CBLN2: variants seen among roughly 807,000 people sequenced by gnomAD.
The protein encoded by CBLN2 is cerebellin-2.
In CBLN2, 7 loss-of-function variants were observed where a neutral mutation model predicts 15.0. The observed-to-expected ratio is 0.47, with a 90% CI of 0.27 to 0.88. The LOEUF is 0.88. Ranked by LOEUF, CBLN2 falls within the 40% of genes least tolerant of loss-of-function variation. CBLN2 has a pLI of 0.14. For synonymous variants in CBLN2, 149 were observed against 135.2 expected, an observed-to-expected ratio of 1.10 and a Z score of -0.71; for missense variants, 242 against 304.5, an observed-to-expected ratio of 0.79 and a Z score of 1.53.
At chr18:72,637,945 C>G in intron 1 of CBLN2, among the ~76,000 whole-genome samples, 1 of 152,254 alleles carries the variant, frequency 6.6e-6, no homozygotes, top group South Asian at 2.1e-4. Context: ...GCCGCTGAGA[C>G]GAGACTTGAA....
At position 72,541,895 on chromosome 18, in the gene CBLN2, C is replaced by G. The variant is rs541563111; in HGVS notation, c.266G>C (p.Gly89Ala). ...TSSLGISVRS[G>A]SAKVAFSATR... is the part of the protein sequence containing the mutation. ...GGCGGAGAAGGCCACCTTGGCGCTG[C>G]CGGAGCGCACGGAGATGCCTAGGGA... is the stretch of plus-strand genomic sequence containing the variant. The change falls in exon 3 of 5, where the codon GGC becomes GCC. Residue 89 changes from glycine (G) to alanine (A), a missense_variant. By Grantham distance (60) the Gly-to-Ala change is moderately conservative. Coordinates refer to ENST00000269503, the MANE Select transcript of CBLN2 (RefSeq NM_182511.4). 12 of 1,607,326 alleles carry G rather than the reference C, an allele frequency of 7.5e-6. No individual in the cohort carries two copies. In the East Asian group the frequency reaches 2.2e-4, roughly 30 times the overall value.
chr18:72,633,835 G>T (rs1398140977), intron 1 of CBLN2, among the ~76,000 whole-genome samples: 1 of 152,002 alleles, frequency 6.6e-6, no homozygotes, highest in Non-Finnish European at 1.5e-5. Flanking sequence ...TAAAATCATA[G>T]ATTAATAAAT....
At chr18:72,631,947 T>C (rs998470535) in intron 1 of CBLN2, among the ~76,000 whole-genome samples, 3 of 152,120 alleles carry the variant, frequency 2.0e-5, no homozygotes, top group Admixed American at 2.0e-4. Flanking sequence ...TGTACTAAAA[T>C]ATGCCTTTTT....
intron 1 of CBLN2, among the ~76,000 whole-genome samples, chr18:72,621,865 T>C (rs2069702910): frequency 6.6e-6 from 1 of 152,094 alleles, no homozygotes; most frequent in Non-Finnish European, 1.5e-5. Flanking sequence ...TTTCCAAAAC[T>C]GATGGAAAAA....
At chr18:72,557,682 C>T (rs1172961270) in intron 1 of CBLN2, among the ~76,000 whole-genome samples, 1 of 152,118 alleles carries the variant, frequency 6.6e-6, no homozygotes, top group Non-Finnish European at 1.5e-5. Context: ...CATGTTCTCA[C>T]TAGTAAGTGG....
chr18:72,616,897 T>C (rs1483867308), intron 1 of CBLN2, among the ~76,000 whole-genome samples: 5 of 152,210 alleles, frequency 3.3e-5, no homozygotes, highest in Admixed American at 3.3e-4. Flanking sequence ...AGAAAGACGT[T>C]TATCTCTTAT....
At chr18:72,589,324 A>G (rs1358741683) in intron 1 of CBLN2, among the ~76,000 whole-genome samples, 26 of 152,224 alleles carry the variant, frequency 1.7e-4, no homozygotes, top group Non-Finnish European at 1.0e-4. Context: ...ATACCAACAA[A>G]TTCAAAAGTA....
chr18:72,599,074 T>G (rs999821565), intron 1 of CBLN2, among the ~76,000 whole-genome samples: 5 of 152,206 alleles, frequency 3.3e-5, no homozygotes, highest in African/African-American at 4.8e-5. Flanking sequence ...TAAATAGGAT[T>G]CATTTTGGTG....
At chr18:72,598,029 C>T (rs2069524339) in intron 1 of CBLN2, among the ~76,000 whole-genome samples, 1 of 152,174 alleles carries the variant, frequency 6.6e-6, no homozygotes, top group African/African-American at 2.4e-5. Flanking sequence ...ACTTTGTGCT[C>T]TATACCACCG....
At chr18:72,540,042 C>T (rs2069097567) in intron 3 of CBLN2, 1 of 152,196 alleles carries the variant, frequency 6.6e-6, no homozygotes, top group Non-Finnish European at 1.5e-5. Flanking sequence ...GCTGTGAGCA[C>T]CACTTCAGCT....
intron 1 of CBLN2, among the ~76,000 whole-genome samples, chr18:72,563,278 T>C (rs1429179838): frequency 2.0e-5 from 3 of 152,242 alleles, no homozygotes; most frequent in South Asian, 4.1e-4. Context: ...CAAAGTTTTC[T>C]CAAAACAACC....
intron 1 of CBLN2, among the ~76,000 whole-genome samples, chr18:72,572,445 T>A (rs1207240462): frequency 6.6e-5 from 10 of 152,332 alleles, no homozygotes; most frequent in South Asian, 4.1e-4. Flanking sequence ...AATTTAGAAT[T>A]CTTTTAAGAA....
At chr18:72,613,658 C>T (rs2069638683) in intron 1 of CBLN2, among the ~76,000 whole-genome samples, 1 of 152,032 alleles carries the variant, frequency 6.6e-6, no homozygotes. Flanking sequence ...GACAAAATGC[C>T]AAAGGGGAGA....
intron 1 of CBLN2, among the ~76,000 whole-genome samples, chr18:72,582,757 C>T (rs2069414404): frequency 6.6e-6 from 1 of 152,116 alleles, no homozygotes; most frequent in South Asian, 2.1e-4. Flanking sequence ...AAGCAGTTTC[C>T]CTGGGATTTG....
At chr18:72,546,410 G>A (rs567970759), upstream of CBLN2, among the ~76,000 whole-genome samples, 2 of 151,758 alleles carry the variant, frequency 1.3e-5, no homozygotes, top group Non-Finnish European at 2.9e-5. Context: ...GCAGTCCTCC[G>A]GCCTGGGTGA....
At chr18:72,616,090 G>A (rs1317801898) in intron 1 of CBLN2, among the ~76,000 whole-genome samples, 5 of 152,016 alleles carry the variant, frequency 3.3e-5, no homozygotes, top group Admixed American at 6.6e-5. Context: ...AATTTTACCC[G>A]AGTCTTATGT....
intron 1 of CBLN2, among the ~76,000 whole-genome samples, chr18:72,554,327 T>A (rs897415687): frequency 1.3e-5 from 2 of 152,108 alleles, no homozygotes; most frequent in African/African-American, 4.8e-5. Context: ...AAACATTTTC[T>A]TTAACCGGCC....
upstream of CBLN2, among the ~76,000 whole-genome samples, chr18:72,545,195 A>G (rs2069149637): frequency 6.6e-6 from 1 of 152,192 alleles, no homozygotes; most frequent in Admixed American, 6.5e-5. Flanking sequence ...CATTTAGAAC[A>G]GAACTGCCAA....
At chr18:72,614,439 C>A (rs990498315) in intron 1 of CBLN2, among the ~76,000 whole-genome samples, 1 of 152,018 alleles carries the variant, frequency 6.6e-6, no homozygotes, top group Admixed American at 6.6e-5. Flanking sequence ...TTATTTAATT[C>A]AACAGAATTG....
Sources: allele counts gnomAD v4.1 joint callset (sites outside exome capture counted in the v4.1 genomes callset), GRCh38; gene constraint gnomAD v4.1.1; transcripts MANE v1.5; gene names NCBI Gene and HGNC (gene_info 2026-07-23, HGNC 2026-07-21).